Variants in CAPN9 observed in about 807,000 individuals in gnomAD.
CAPN9 encodes calpain-9.
Under a neutral mutation model 92.8 loss-of-function variants are expected in CAPN9, and 81 were observed. The ratio of observed to expected loss-of-function variants is 0.87; its 90% CI spans 0.73 to 1.05. The LOEUF (loss-of-function observed/expected upper bound fraction) is 1.05, where lower values mean the gene tolerates loss of function less well. Ranked by LOEUF, CAPN9 falls within the 50% of genes least tolerant of loss-of-function variation. The probability of loss-of-function intolerance (pLI) is 0.00; values close to 1 mark genes in which losing one functional copy is unlikely to be tolerated. For missense variants in CAPN9, 848 were observed against 866.2 expected (o/e 0.98, Z 0.26); for synonymous variants, 304 against 328.0 (o/e 0.93, Z 0.79).
In CAPN9 at chr1:230,780,587, G is replaced by A; in HGVS notation, c.1360G>A (p.Glu454Lys). 1 of 1,614,136 alleles carries A rather than the reference G, an allele frequency of 6.2e-7. No individual in the cohort carries two copies. Among genetic ancestry groups the A allele is most frequent in the South Asian group, 1.1e-5 (1 of 91,078 alleles). Residue 454 changes from glutamate (E) to lysine (K), a missense_variant, in exon 11 of 20, where the codon GAA (glutamate) becomes AAA (lysine). Coordinates refer to ENST00000271971, the MANE Select transcript of CAPN9 (RefSeq NM_006615.3). The stretch of plus-strand genomic sequence containing the variant: ...AAGCAAGACGTTCATCAACCTGAGA[G>A]AAGTCTCCGACCGGTTCAAGCTGCC... The part of the protein sequence containing the change: ...ARSKTFINLR[E>K]VSDRFKLPPG...
At chr1:230,769,368 G>T in intron 6 of CAPN9, 105 bp downstream of exon 6, 1 of 807,946 alleles carries the variant, frequency 1.2e-6, no homozygotes, top group Non-Finnish European at 2.0e-6. Context: ...TGCCTTTCAG[G>T]CATTTCAGAG....
chr1:230,761,535 G>A (rs1481834940), intron 3 of CAPN9, among the ~76,000 whole-genome samples: 1 of 147,524 alleles, frequency 6.8e-6, no homozygotes, highest in Non-Finnish European at 1.5e-5. Flanking sequence ...GCTGGAGCAG[G>A]TGACAAGAAT....
At chr1:230,801,478 G>A in intron 19 of CAPN9, 92 bp from the exon 20 acceptor site, 2 of 1,178,062 alleles carry the variant, frequency 1.7e-6, no homozygotes, top group Non-Finnish European at 2.6e-6. Context: ...CAGATCTCCT[G>A]TGATATCAGC....
intron 1 of CAPN9, among the ~76,000 whole-genome samples, chr1:230,753,530 G>A (rs1176325148): frequency 2.0e-5 from 3 of 152,074 alleles, no homozygotes; most frequent in Non-Finnish European, 4.4e-5. Flanking sequence ...TGATTCTTTG[G>A]GACACAAGAT....
chr1:230,771,562 G>T (rs1666387807), intron 6 of CAPN9, among the ~76,000 whole-genome samples: 1 of 152,230 alleles, frequency 6.6e-6, no homozygotes, highest in Non-Finnish European at 1.5e-5. Flanking sequence ...CTGTGCATGG[G>T]ATGCTAGGAT....
chr1:230,759,894 T>A (rs1665526058), intron 3 of CAPN9, among the ~76,000 whole-genome samples: 1 of 152,246 alleles, frequency 6.6e-6, no homozygotes, highest in Admixed American at 6.5e-5. Flanking sequence ...GAGGTCCATC[T>A]GTTAAGGGTT....
chr1:230,754,453 T>C (rs1665090144), intron 1 of CAPN9, among the ~76,000 whole-genome samples: 1 of 151,898 alleles, frequency 6.6e-6, no homozygotes, highest in South Asian at 2.1e-4. Context: ...GAGAGATGTG[T>C]GCATATCTCT....
chr1:230,793,210 A>G (rs1450626560), intron 17 of CAPN9, among the ~76,000 whole-genome samples: 1 of 152,238 alleles, frequency 6.6e-6, no homozygotes, highest in Admixed American at 6.5e-5. Flanking sequence ...TGGAGGCCTC[A>G]TAGCCTCTGA....
chr1:230,780,246 T>C lies in CAPN9; in HGVS notation c.1182T>C (p.Cys394=). ...AGAAAGATGAGGGGCAGGAGGAGTGTAGTTTCCTTGTAGCCCTGATGCAGA... is the reference window on the plus strand; with the variant it reads ...AGAAAGATGAGGGGCAGGAGGAGTGCAGTTTCCTTGTAGCCCTGATGCAGA... The part of the protein sequence containing the change: ...LTEKDEGQEE[C]SFLVALMQKD... Residue 394 remains cysteine (C), a synonymous_variant, in exon 10 of 20, where the codon TGT becomes TGC. Coordinates refer to ENST00000271971, the MANE Select transcript of CAPN9 (RefSeq NM_006615.3). The C allele has an allele frequency of 1.2e-6, 2 of 1,613,858 alleles. No homozygotes were observed. Among genetic ancestry groups the C allele is most frequent in the Non-Finnish European group, 8.5e-7 (1 of 1,179,748 alleles).
intron 13 of CAPN9, among the ~76,000 whole-genome samples, chr1:230,787,989 G>A (rs1002801736): frequency 2.0e-5 from 3 of 152,066 alleles, no homozygotes; most frequent in East Asian, 1.9e-4. Flanking sequence ...CTGAGTAGCC[G>A]GGACTATAGG....
At position 230,769,614 on chromosome 1, in the gene CAPN9, CACCTATCTATCTATCTATCTATCTATCT is replaced by C. The variant is rs1253012044; in HGVS notation, c.789+353_789+380del. Among the ~76,000 whole-genome samples the C allele has an allele frequency of 3.7e-3, 550 of 149,924 alleles. 3 individuals are homozygous for C. Among genetic ancestry groups the C allele is most frequent in the African/African-American group, 0.011 (445 of 40,654 alleles). ...ATATACATACAATTAAACACACACA[CACCTATCTATCTATCTATCTATCTATCT>C]ATCTATCTATCTATCTATCTATCTA... On this transcript the variant is annotated intron_variant, in intron 6 of 19. Coordinates refer to ENST00000271971, the MANE Select transcript of CAPN9 (RefSeq NM_006615.3).
intron 11 of CAPN9, 42 bp downstream of exon 11, chr1:230,780,750 T>C: frequency 6.5e-7 from 1 of 1,549,954 alleles, no homozygotes; most frequent in African/African-American, 1.4e-5. Flanking sequence ...CTTCTTTTAG[T>C]GGTTTATTCA....
At chr1:230,787,652 T>G (rs771598962) in intron 13 of CAPN9, 50 bp downstream of exon 13, 1 of 1,491,092 alleles carries the variant, frequency 6.7e-7, no homozygotes, top group South Asian at 1.1e-5. Context: ...GGCCTGGACC[T>G]GCTTCCTAGC....
chr1:230,780,110 G>A, intron 9 of CAPN9, 69 bp from the exon 10 acceptor site: 1 of 962,534 alleles, frequency 1.0e-6, no homozygotes. Context: ...GTGTGTGTGT[G>A]TGTGTGTGTG....
chr1:230,775,123 C>T (rs1392261320), intron 8 of CAPN9, among the ~76,000 whole-genome samples: 2 of 152,158 alleles, frequency 1.3e-5, no homozygotes, highest in East Asian at 1.9e-4. Flanking sequence ...TTTAATCTCC[C>T]TCCTGTCTTG....
At chr1:230,761,658 C>T (rs758577091) in intron 3 of CAPN9, among the ~76,000 whole-genome samples, 8 of 152,136 alleles carry the variant, frequency 5.3e-5, no homozygotes, top group Non-Finnish European at 1.2e-4. Context: ...CACAGCAAAG[C>T]TGTAAATAAA....
intron 3 of CAPN9, among the ~76,000 whole-genome samples, chr1:230,761,933 A>G (rs3790956): frequency 0.54 from 82,544 of 151,832 alleles, 22,510 homozygotes; most frequent in African/African-American, 0.59. Flanking sequence ...AAACACATGC[A>G]TGCACACATA....
chr1:230,764,918 C>T (rs1665874605), intron 4 of CAPN9, among the ~76,000 whole-genome samples: 1 of 152,094 alleles, frequency 6.6e-6, no homozygotes, highest in African/African-American at 2.4e-5. Context: ...GGTTATCATA[C>T]ACATATATAT....
chr1:230,776,746 C>G (rs2102886091), intron 8 of CAPN9: 1 of 152,324 alleles, frequency 6.6e-6, no homozygotes, highest in South Asian at 2.1e-4. Flanking sequence ...GTCACGTCAT[C>G]ATCTGCACAT....
Sources: gnomAD v4.1 joint callset for allele counts (sites outside exome capture counted in the v4.1 genomes callset) on GRCh38, gnomAD v4.1.1 for gene constraint, MANE v1.5 for transcripts, NCBI Gene and HGNC (gene_info 2026-07-23, HGNC 2026-07-21) for gene names.